The following KIAA0825 variants were observed in gnomAD, a reference collection of about 807,000 sequenced individuals.
KIAA0825 encodes uncharacterized protein KIAA0825.
Under a neutral mutation model 147.6 loss-of-function variants are expected in KIAA0825, and 119 were observed. That is an observed-to-expected ratio of 0.81 (90% CI 0.69 to 0.94). KIAA0825 has a LOEUF of 0.94. Ranked by LOEUF, KIAA0825 falls within the 40% of genes least tolerant of loss-of-function variation. The probability of loss-of-function intolerance (pLI) is 0.00; values close to 1 mark genes in which losing one functional copy is unlikely to be tolerated. For synonymous variants in KIAA0825, 470 were observed against 518.1 expected (o/e 0.91, Z 1.26); for missense variants, 1,381 against 1,472.7 (o/e 0.94, Z 1.02).
intron 5 of KIAA0825, among the ~76,000 whole-genome samples, chr5:94,496,984 G>T (rs1764448080): frequency 6.6e-6 from 1 of 152,102 alleles, no homozygotes; most frequent in Non-Finnish European, 1.5e-5. Flanking sequence ...CTCTTCTTCG[G>T]CCTCTTGAAC....
intron 20 of KIAA0825, among the ~76,000 whole-genome samples, chr5:94,183,779 C>A (rs889085054): frequency 2.6e-5 from 4 of 152,180 alleles, no homozygotes; most frequent in Non-Finnish European, 5.9e-5. Context: ...CCATTCTGGA[C>A]CTCAGCCTAT....
intron 20 of KIAA0825, among the ~76,000 whole-genome samples, chr5:94,270,797 T>C (rs1776947280): frequency 6.6e-6 from 1 of 152,110 alleles, no homozygotes; most frequent in Non-Finnish European, 1.5e-5. Context: ...TGTATGGAGA[T>C]AAAACAATAT....
chr5:94,225,965 T>C (rs1774124028), intron 20 of KIAA0825, among the ~76,000 whole-genome samples: 1 of 152,198 alleles, frequency 6.6e-6, no homozygotes, highest in Non-Finnish European at 1.5e-5. Flanking sequence ...AAAGACTTCA[T>C]GACTAAAACA....
intron 14 of KIAA0825, among the ~76,000 whole-genome samples, chr5:94,438,991 G>T (rs4869115): frequency 6.6e-6 from 1 of 152,194 alleles, no homozygotes; most frequent in Non-Finnish European, 1.5e-5. Context: ...CATCAGCTGG[G>T]CTTTGCAGAC....
intron 20 of KIAA0825, among the ~76,000 whole-genome samples, chr5:94,327,735 C>A (rs938168484): frequency 1.3e-5 from 2 of 151,964 alleles, no homozygotes; most frequent in African/African-American, 4.8e-5. Flanking sequence ...TGGCTGGGTG[C>A]GGTGGCTCAT....
chr5:94,450,118 A>G (rs1758216245), intron 13 of KIAA0825, among the ~76,000 whole-genome samples: 1 of 151,942 alleles, frequency 6.6e-6, no homozygotes. Context: ...TTAAATTATA[A>G]TCACTATAAA....
chr5:94,225,424 A>G (rs1010526300), intron 20 of KIAA0825, among the ~76,000 whole-genome samples: 1 of 152,180 alleles, frequency 6.6e-6, no homozygotes, highest in Non-Finnish European at 1.5e-5. Flanking sequence ...CCTGTTATGG[A>G]CTAAATGTTT....
intron 5 of KIAA0825, among the ~76,000 whole-genome samples, chr5:94,516,826 C>A (rs1226133412): frequency 6.6e-6 from 1 of 151,192 alleles, no homozygotes; most frequent in Non-Finnish European, 1.5e-5. Context: ...CGTGGCCAGG[C>A]ACGGTGGCTC....
intron 17 of KIAA0825, among the ~76,000 whole-genome samples, chr5:94,395,703 T>C (rs1291166355): frequency 1.3e-5 from 2 of 152,116 alleles, no homozygotes; most frequent in Non-Finnish European, 2.9e-5. Flanking sequence ...ATAAAAAGCC[T>C]TTTATATCCG....
chr5:94,318,378 T>G (rs969994309), intron 20 of KIAA0825, among the ~76,000 whole-genome samples: 1 of 151,870 alleles, frequency 6.6e-6, no homozygotes, highest in Non-Finnish European at 1.5e-5. Flanking sequence ...ATTTTATTAG[T>G]AAACTGATTA....
intron 20 of KIAA0825, among the ~76,000 whole-genome samples, chr5:94,370,593 T>A (rs1202235205): frequency 6.6e-6 from 1 of 152,106 alleles, no homozygotes; most frequent in African/African-American, 2.4e-5. Context: ...GGAGTCAATA[T>A]TATAAGTTGA....
chr5:94,183,844 A>G (rs1349122695), intron 20 of KIAA0825, among the ~76,000 whole-genome samples: 1 of 152,154 alleles, frequency 6.6e-6, no homozygotes, highest in East Asian at 1.9e-4. Context: ...TTTATAATAA[A>G]CCTTTATAAT....
chr5:94,368,070 C>T (rs961752669), intron 20 of KIAA0825, among the ~76,000 whole-genome samples: 1 of 152,174 alleles, frequency 6.6e-6, no homozygotes, highest in African/African-American at 2.4e-5. Context: ...ATATAGACCT[C>T]CTCATTGTGA....
intron 5 of KIAA0825, among the ~76,000 whole-genome samples, chr5:94,495,729 T>C (rs1017757869): frequency 6.6e-6 from 1 of 152,206 alleles, no homozygotes; most frequent in African/African-American, 2.4e-5. Flanking sequence ...TTGAAAAAAG[T>C]CTGGATAAGA....
chr5:94,376,367 A>G (rs910965907), intron 20 of KIAA0825, among the ~76,000 whole-genome samples: 2 of 152,158 alleles, frequency 1.3e-5, no homozygotes, highest in Non-Finnish European at 2.9e-5. Context: ...ATGTTATTTA[A>G]TGTTCTGCAA....
At chr5:94,385,583 A>G (rs1749023609) in intron 19 of KIAA0825, among the ~76,000 whole-genome samples, 1 of 152,204 alleles carries the variant, frequency 6.6e-6, no homozygotes, top group Non-Finnish European at 1.5e-5. Context: ...ACAAAGCAAA[A>G]GCAACTTTAT....
In KIAA0825 at chr5:94,614,795, A is replaced by C. The variant is rs1175738760; in HGVS notation, c.-153+3705T>G. ...CTACATATAATTATTTGTTTATATA[A>C]CTTTCTCTCTCCTAGTAGACTGTAA... is the stretch of plus-strand genomic sequence containing the variant. On this transcript the variant is annotated intron_variant, in intron 1 of 20. Transcript: ENST00000682413. 3.3e-5 allele frequency among the ~76,000 whole-genome samples: 5 copies of C among 152,266 alleles called. No individual in the cohort carries two copies. In the East Asian group the frequency reaches 7.7e-4, roughly 23 times the overall value.
intron 20 of KIAA0825, among the ~76,000 whole-genome samples, chr5:94,366,606 T>G (rs1015568204): frequency 6.6e-6 from 1 of 152,208 alleles, no homozygotes; most frequent in Non-Finnish European, 1.5e-5. Context: ...GAGAACTTCC[T>G]GTGTTCCAGG....
intron 20 of KIAA0825, among the ~76,000 whole-genome samples, chr5:94,319,429 C>T (rs1779955567): frequency 6.6e-6 from 1 of 151,818 alleles, no homozygotes. Flanking sequence ...CTCCTGAGTC[C>T]CATATTACTA....
Sources: allele counts gnomAD v4.1 joint callset (sites outside exome capture counted in the v4.1 genomes callset), GRCh38; gene constraint gnomAD v4.1.1; transcripts MANE v1.5; gene names NCBI Gene and HGNC (gene_info 2026-07-23, HGNC 2026-07-21).